The following TMEM38B variants were observed in gnomAD, a reference collection of about 807,000 sequenced individuals.
TMEM38B encodes trimeric intracellular cation channel type B.
A neutral mutation model predicts 28.7 loss-of-function variants in TMEM38B; 24 were observed. The observed-to-expected ratio is 0.84, with a 90% CI of 0.61 to 1.18. The LOEUF is 1.18. TMEM38B is among the 50% of genes most tolerant of loss of function. The probability of loss-of-function intolerance (pLI) is 0.00; values close to 1 mark genes in which losing one functional copy is unlikely to be tolerated. For synonymous variants in TMEM38B, 131 were observed against 127.7 expected (o/e 1.03, Z -0.17); for missense variants, 380 against 350.9 (o/e 1.08, Z -0.66).
rs143104208 is a variant in TMEM38B, at chr9:105,735,971, A to G, written c.543-12102A>G. Among the ~76,000 whole-genome samples the G allele has an allele frequency of 9.7e-3, 1,468 of 152,056 alleles. 25 individuals are homozygous for G. The highest frequency in any genetic ancestry group is 0.014 in the Non-Finnish European group (960 of 68,008). On this transcript the variant is annotated intron_variant, in intron 4 of 5. Transcript: ENST00000374692. ...AATCTCGAACTCTTGGGGTCAAGTG[A>G]TCTTCCCCTCCTCAGCCTCTCAAAA...
At chr9:105,768,817 G>T (rs1217095238) in intron 5 of TMEM38B, among the ~76,000 whole-genome samples, 2 of 152,096 alleles carry the variant, frequency 1.3e-5, no homozygotes, top group Non-Finnish European at 2.9e-5. Context: ...CTACCTAGAG[G>T]TTTGTCAGTT....
At chr9:105,760,898 T>A in intron 5 of TMEM38B, 1 of 535,262 alleles carries the variant, frequency 1.9e-6, no homozygotes, top group South Asian at 3.1e-5. Context: ...AATAGTTGTT[T>A]ATCAATGTGA....
rs1223407457 is a variant in TMEM38B at position 105,694,784 on chromosome 9, G to GA, written c.112+12_112+13insA. On this transcript the variant is annotated intron_variant, in intron 1 of 5. Coordinates refer to ENST00000374692, the MANE Select transcript of TMEM38B (RefSeq NM_018112.3). ...GAAACGTCAGCCGGGTGAGTGCGGG[G>GA]CGCCGCGGGCCGGACCCCTCAGAGT... The GA allele has an allele frequency of 3.1e-6, 5 of 1,604,006 alleles. No individual in the cohort carries two copies. The highest frequency in any genetic ancestry group is 1.4e-5 in the African/African-American group (1 of 74,032).
At chr9:105,745,619 T>A (rs1350243843) in intron 4 of TMEM38B, among the ~76,000 whole-genome samples, 1 of 152,184 alleles carries the variant, frequency 6.6e-6, no homozygotes, top group African/African-American at 2.4e-5. Flanking sequence ...ATTTTGACTT[T>A]TGTTGCCATT....
At chr9:105,768,294 T>A (rs190547462) in intron 5 of TMEM38B, among the ~76,000 whole-genome samples, 2 of 152,156 alleles carry the variant, frequency 1.3e-5, no homozygotes, top group Admixed American at 6.5e-5. Flanking sequence ...TTAGTCATGA[T>A]GCGGTATCCT....
chr9:105,699,515 G>T (rs112219281), intron 1 of TMEM38B, among the ~76,000 whole-genome samples: 201 of 152,226 alleles, frequency 1.3e-3, no homozygotes, highest in African/African-American at 4.6e-3. Context: ...TGTACTGTCT[G>T]CCTAGATCTT....
At chr9:105,759,650 T>C in intron 5 of TMEM38B, 4 of 1,600,950 alleles carry the variant, frequency 2.5e-6, no homozygotes, top group Non-Finnish European at 3.4e-6. Flanking sequence ...CATCAATCTT[T>C]TCCAAACATA....
At chr9:105,752,229 T>G (rs1376384272) in intron 5 of TMEM38B, among the ~76,000 whole-genome samples, 1 of 152,122 alleles carries the variant, frequency 6.6e-6, no homozygotes, top group Non-Finnish European at 1.5e-5. Flanking sequence ...GTGACTCAGT[T>G]GACTCATCCA....
intron 5 of TMEM38B, chr9:105,749,320 G>C (rs1837557027): frequency 4.8e-6 from 1 of 209,614 alleles, no homozygotes; most frequent in Non-Finnish European, 9.5e-6. Flanking sequence ...CCACATGGCT[G>C]GGGAGGCTTC....
chr9:105,735,868 TAAAA>T (rs970380553), intron 4 of TMEM38B, among the ~76,000 whole-genome samples: 3 of 152,022 alleles, frequency 2.0e-5, no homozygotes, highest in African/African-American at 4.8e-5. Flanking sequence ...TTTCATTTAT[TAAAA>T]AAAATTTTTT....
chr9:105,722,706 T>C (rs1405143490), intron 4 of TMEM38B, 85 bp downstream of exon 4: 1 of 1,026,538 alleles, frequency 9.7e-7, no homozygotes, highest in East Asian at 2.4e-5. Flanking sequence ...TTAGGGACTT[T>C]AAATGTGGGT....
chr9:105,755,397 A>T (rs1837800090), intron 5 of TMEM38B, among the ~76,000 whole-genome samples: 1 of 152,222 alleles, frequency 6.6e-6, no homozygotes, highest in African/African-American at 2.4e-5. Context: ...ATCATGACAC[A>T]CATTTACCTG....
At chr9:105,738,765 C>T (rs1265554129) in intron 4 of TMEM38B, among the ~76,000 whole-genome samples, 2 of 146,548 alleles carry the variant, frequency 1.4e-5, no homozygotes, top group Non-Finnish European at 3.0e-5. Flanking sequence ...GTCGCCCAGG[C>T]TGAGTGCAGT....
intron 5 of TMEM38B, among the ~76,000 whole-genome samples, chr9:105,767,834 G>A (rs181957820): frequency 2.4e-4 from 36 of 152,196 alleles, no homozygotes; most frequent in African/African-American, 7.9e-4. Context: ...GGTAGCTTTT[G>A]TGTAGATTCT....
chr9:105,694,819 G>T (rs915810123), intron 1 of TMEM38B, 47 bp downstream of exon 1: 2 of 1,202,954 alleles, frequency 1.7e-6, no homozygotes, highest in South Asian at 1.3e-5. Context: ...TGCTCCTGAC[G>T]GCGAGGACCG....
At chr9:105,760,777 A>T (rs1305627031) in intron 5 of TMEM38B, 1 of 926,752 alleles carries the variant, frequency 1.1e-6, no homozygotes, top group Non-Finnish European at 1.6e-6. Flanking sequence ...ATTATGTAAT[A>T]CTTGTGGAAC....
rs1838097161 is a variant in TMEM38B, at chr9:105,762,513, T to A, written c.661-11352T>A. On this transcript the variant is annotated intron_variant, in intron 5 of 5. Transcript: ENST00000374692. ...ATGAGTGAGAATATGCGGTGTTTGG[T>A]TTTTTGTCCTTGCGATAGTTTACTG... 2.0e-5 allele frequency among the ~76,000 whole-genome samples: 3 copies of A among 149,078 alleles called. No individual in the cohort carries two copies. In the South Asian group the frequency reaches 6.5e-4, roughly 32 times the overall value.
intron 5 of TMEM38B, among the ~76,000 whole-genome samples, chr9:105,761,006 C>G (rs2133639037): frequency 6.6e-6 from 1 of 152,294 alleles, no homozygotes; most frequent in South Asian, 2.1e-4. Context: ...GTAAGGCTAT[C>G]ATGATATGTG....
intron 5 of TMEM38B, among the ~76,000 whole-genome samples, chr9:105,770,646 G>T (rs984429812): frequency 3.3e-5 from 5 of 152,074 alleles, no homozygotes; most frequent in Non-Finnish European, 7.4e-5. Context: ...TATGGAGAAA[G>T]CATAGAGTGA....
Sources: gnomAD v4.1 joint callset for allele counts (sites outside exome capture counted in the v4.1 genomes callset) on GRCh38, gnomAD v4.1.1 for gene constraint, MANE v1.5 for transcripts, NCBI Gene and HGNC (gene_info 2026-07-23, HGNC 2026-07-21) for gene names.